The following MAF variants were observed in gnomAD, a reference collection of about 807,000 sequenced individuals.
The protein encoded by MAF is transcription factor Maf.
MAF carries 10 observed loss-of-function variants against 22.0 expected under a neutral mutation model. The ratio of observed to expected loss-of-function variants is 0.45; its 90% CI spans 0.28 to 0.77. The LOEUF (loss-of-function observed/expected upper bound fraction) is 0.77, where lower values mean the gene tolerates loss of function less well. Among genes scored for constraint, MAF ranks in the 30% least tolerant of loss-of-function variants. MAF has a pLI of 0.12. For missense variants in MAF, 544 were observed against 548.4 expected (o/e 0.99, Z 0.08); for synonymous variants, 337 against 255.8 (o/e 1.32, Z -3.03).
chr16:79,531,034 G>A, the MAF span, among the ~76,000 whole-genome samples: 1 of 152,170 alleles, frequency 6.6e-6, no homozygotes, highest in African/African-American at 2.4e-5. Flanking sequence ...CATTCCCCAA[G>A]CTCTAATTTC....
chr16:79,482,839 C>G, the MAF span, among the ~76,000 whole-genome samples: 2 of 129,122 alleles, frequency 1.5e-5, no homozygotes, highest in Non-Finnish European at 3.3e-5. Context: ...ATACCCCCCT[C>G]CATCCCCTCC....
the MAF span, among the ~76,000 whole-genome samples, chr16:79,210,077 C>T: frequency 6.6e-6 from 1 of 152,134 alleles, no homozygotes; most frequent in Admixed American, 6.5e-5. Flanking sequence ...GGAACTTGTC[C>T]AGTATCATCA....
At chr16:79,498,594 G>T in the MAF span, among the ~76,000 whole-genome samples, 1 of 152,174 alleles carries the variant, frequency 6.6e-6, no homozygotes, top group Admixed American at 6.5e-5. Flanking sequence ...ACTCACACCA[G>T]CTCCTTGAGA....
the MAF span, among the ~76,000 whole-genome samples, chr16:79,261,175 A>G: frequency 6.6e-6 from 1 of 152,064 alleles, no homozygotes; most frequent in African/African-American, 2.4e-5. Flanking sequence ...TTTATGAGAC[A>G]GAGTCTTGCT....
chr16:79,498,748 A>G, the MAF span, among the ~76,000 whole-genome samples: 1 of 152,136 alleles, frequency 6.6e-6, no homozygotes, highest in African/African-American at 2.4e-5. Context: ...ATATAACATA[A>G]CCTCTATACT....
At chr16:79,519,380 G>A in the MAF span, among the ~76,000 whole-genome samples, 2 of 152,186 alleles carry the variant, frequency 1.3e-5, no homozygotes, top group Non-Finnish European at 2.9e-5. Flanking sequence ...TGCCCATGAT[G>A]GAGAGAACAT....
the MAF span, among the ~76,000 whole-genome samples, chr16:79,536,700 C>T: frequency 6.6e-6 from 1 of 152,130 alleles, no homozygotes; most frequent in African/African-American, 2.4e-5. Context: ...TGTGTCTGTA[C>T]TAAACACATA....
the MAF span, among the ~76,000 whole-genome samples, chr16:79,297,027 G>A: frequency 6.6e-6 from 1 of 152,176 alleles, no homozygotes; most frequent in African/African-American, 2.4e-5. Context: ...CTGCTCTGTG[G>A]CGACATCCCT....
chr16:79,555,893 TATTTCTACGAAACAGATAAC>T, the MAF span, among the ~76,000 whole-genome samples: 185 of 152,302 alleles, frequency 1.2e-3, 1 homozygote, highest in Non-Finnish European at 2.0e-3. Context: ...CTGTTAATGG[TATTTCTACGAAACAGATAAC>T]ATAGATGTAG....
the MAF span, among the ~76,000 whole-genome samples, chr16:79,513,873 G>T: frequency 1.3e-5 from 2 of 152,100 alleles, no homozygotes; most frequent in Admixed American, 6.6e-5. Context: ...AACTTTCCTG[G>T]ATGTGAAAAC....
At chr16:79,377,571 C>G in the MAF span, among the ~76,000 whole-genome samples, 1 of 152,114 alleles carries the variant, frequency 6.6e-6, no homozygotes, top group Admixed American at 6.5e-5. Context: ...GTTGCCGTTG[C>G]TTTTGGTGTT....
chr16:79,523,791 C>T, the MAF span, among the ~76,000 whole-genome samples: 8 of 152,266 alleles, frequency 5.3e-5, no homozygotes, highest in South Asian at 8.3e-4. Flanking sequence ...TAAAATCATG[C>T]GCATCGTTAT....
At chr16:79,524,225 C>T in the MAF span, among the ~76,000 whole-genome samples, 1 of 152,206 alleles carries the variant, frequency 6.6e-6, no homozygotes, top group Non-Finnish European at 1.5e-5. Context: ...GAGATCTAAA[C>T]GACTTAACCC....
chr16:79,377,363 T>G, the MAF span, among the ~76,000 whole-genome samples: 1 of 152,208 alleles, frequency 6.6e-6, no homozygotes, highest in Non-Finnish European at 1.5e-5. Context: ...CGCCCACTTG[T>G]TGATGGGGTT....
At chr16:79,445,700 A>G in the MAF span, among the ~76,000 whole-genome samples, 1 of 152,194 alleles carries the variant, frequency 6.6e-6, no homozygotes, top group Non-Finnish European at 1.5e-5. Flanking sequence ...ACTGATTGAC[A>G]GCAAAGGACC....
At chr16:79,596,140 G>C (rs1913510835) in intron 1 of MAF, 2 of 1,062,460 alleles carry the variant, frequency 1.9e-6, no homozygotes, top group Non-Finnish European at 2.3e-6. Context: ...TCTATGGATG[G>C]CTTTGCTCCT....
chr16:79,228,683 G>A, the MAF span, among the ~76,000 whole-genome samples: 1 of 152,006 alleles, frequency 6.6e-6, no homozygotes, highest in East Asian at 1.9e-4. Context: ...AGAGCTCTCT[G>A]CCTATATTTG....
chr16:79,480,876 G>A, the MAF span, among the ~76,000 whole-genome samples: 17,621 of 152,150 alleles, frequency 0.12, 1,011 homozygotes, highest in East Asian at 0.16. Flanking sequence ...CGTGGGACTG[G>A]GCAGTTCAAA....
chr16:79,592,295 G>A (rs948898686), downstream of MAF, among the ~76,000 whole-genome samples: 1 of 152,144 alleles, frequency 6.6e-6, no homozygotes, highest in Non-Finnish European at 1.5e-5. Context: ...ACAATCATGA[G>A]ACAGCCTGGG....
Sources: allele counts gnomAD v4.1 joint callset (sites outside exome capture counted in the v4.1 genomes callset), GRCh38; gene constraint gnomAD v4.1.1; transcripts MANE v1.5; gene names NCBI Gene and HGNC (gene_info 2026-07-23, HGNC 2026-07-21).